The following CDC40 variants were observed in gnomAD, a reference collection of about 807,000 sequenced individuals.
CDC40 encodes pre-mRNA-processing factor 17.
CDC40 carries 27 observed loss-of-function variants against 80.6 expected under a neutral mutation model. The ratio of observed to expected loss-of-function variants is 0.33; its 90% confidence interval spans 0.25 to 0.46. The LOEUF is 0.46. Ranked by LOEUF, CDC40 falls within the 20% of genes least tolerant of loss-of-function variation. CDC40 has a pLI of 1.00. For synonymous variants in CDC40, 221 were observed against 232.6 expected, an observed-to-expected ratio of 0.95 and a Z score of 0.45; for missense variants, 486 against 694.1, an observed-to-expected ratio of 0.70 and a Z score of 3.37.
At chr6:110,215,255 A>G (rs918069992) in intron 8 of CDC40, 31 bp from the exon 9 acceptor site, 9 of 1,590,150 alleles carry the variant, frequency 5.7e-6, no homozygotes, top group African/African-American at 1.3e-5. Flanking sequence ...TAAATGTAAT[A>G]TTTCCATGTG....
At chr6:110,209,454 T>C (rs1777605146) in intron 5 of CDC40, 1 of 396,602 alleles carries the variant, frequency 2.5e-6, no homozygotes, top group African/African-American at 2.0e-5. Context: ...TAAAATACAA[T>C]ATTGAACAAT....
At chr6:110,213,661 T>C (rs563017286) in intron 8 of CDC40, among the ~76,000 whole-genome samples, 24 of 152,232 alleles carry the variant, frequency 1.6e-4, no homozygotes, top group Non-Finnish European at 3.2e-4. Context: ...TGTAATAGTT[T>C]ATTTGTTTCT....
chr6:110,217,624 T>C (rs1261109185), intron 9 of CDC40, 78 bp from the exon 10 acceptor site: 10 of 751,832 alleles, frequency 1.3e-5, no homozygotes, highest in Non-Finnish European at 2.0e-5. Context: ...GCTGTTTGTC[T>C]TTATGGTGTT....
At chr6:110,197,221 T>G (rs1232953794) in intron 2 of CDC40, among the ~76,000 whole-genome samples, 1 of 152,200 alleles carries the variant, frequency 6.6e-6, no homozygotes, top group East Asian at 1.9e-4. Flanking sequence ...TTGACAGATG[T>G]TTAAGAATAC....
chr6:110,208,442 A>C (rs1777591547), intron 4 of CDC40, among the ~76,000 whole-genome samples: 1 of 152,148 alleles, frequency 6.6e-6, no homozygotes. Context: ...CCTCCTACTA[A>C]TCAAATCAAA....
At chr6:110,218,345 A>T (rs967208710) in intron 10 of CDC40, among the ~76,000 whole-genome samples, 2 of 152,238 alleles carry the variant, frequency 1.3e-5, no homozygotes, top group African/African-American at 4.8e-5. Flanking sequence ...CCCTTACTGC[A>T]TCTGAAGGGT....
At chr6:110,227,222 G>C (rs1777876032) in intron 13 of CDC40, among the ~76,000 whole-genome samples, 2 of 152,152 alleles carry the variant, frequency 1.3e-5, no homozygotes, top group South Asian at 4.1e-4. Context: ...ACAATATACT[G>C]ATGTAATTAT....
intron 12 of CDC40, among the ~76,000 whole-genome samples, chr6:110,220,635 T>C (rs370990014): frequency 3.0e-3 from 455 of 152,042 alleles, no homozygotes; most frequent in African/African-American, 8.7e-3. Flanking sequence ...TTAGTAGAGA[T>C]GGGGTTTCAC....
Position 110,226,151 on chromosome 6 carries a change from T to A in CDC40, c.1341-16T>A. The A allele has an allele frequency of 6.7e-7, 1 of 1,482,758 alleles. No homozygotes were observed. The highest frequency in any genetic ancestry group is 9.4e-7 in the Non-Finnish European group (1 of 1,063,728). 91.9% of individuals were successfully genotyped at this position (1,482,758 alleles called of 1,614,324 possible). On this transcript the variant is annotated splice_polypyrimidine_tract_variant and intron_variant, in intron 12 of 14. Coordinates refer to ENST00000307731, the MANE Select transcript of CDC40 (RefSeq NM_015891.3). ...TTAAAAGTTGCTTATTCTGATATGC[T>A]ATTTAAAATTTTTAGGGATATCCCT...
intron 2 of CDC40, among the ~76,000 whole-genome samples, chr6:110,200,822 T>A (rs753779693): frequency 1.3e-5 from 2 of 152,138 alleles, no homozygotes; most frequent in African/African-American, 2.4e-5. Context: ...TTAAATAGCA[T>A]TTGGAAAAAC....
chr6:110,197,479 ATTG>A (rs1282819591), intron 2 of CDC40, among the ~76,000 whole-genome samples: 1 of 152,138 alleles, frequency 6.6e-6, no homozygotes, highest in Non-Finnish European at 1.5e-5. Context: ...TCAAGAATAC[ATTG>A]TTATTAACTG....
chr6:110,228,583 A>T (rs1451083862), intron 13 of CDC40, among the ~76,000 whole-genome samples: 1 of 151,900 alleles, frequency 6.6e-6, no homozygotes, highest in African/African-American at 2.4e-5. Flanking sequence ...TTATTTTTTT[A>T]AAAACTTTTA....
At chr6:110,204,896 G>A (rs1257462608) in intron 3 of CDC40, among the ~76,000 whole-genome samples, 1 of 151,724 alleles carries the variant, frequency 6.6e-6, no homozygotes, top group Non-Finnish European at 1.5e-5. Flanking sequence ...AAAACTCCTG[G>A]CCTCAAGTAA....
At chr6:110,201,724 T>G (rs1403530124) in intron 3 of CDC40, 37 bp downstream of exon 3, 1 of 1,595,632 alleles carries the variant, frequency 6.3e-7, no homozygotes, top group Non-Finnish European at 8.6e-7. Flanking sequence ...CAATTTTGGC[T>G]TTATTAGAAG....
chr6:110,210,778 T>C lies in CDC40; in HGVS notation c.702T>C (p.Pro234=). The C allele has an allele frequency of 1.3e-6, 2 of 1,567,924 alleles. No homozygotes were observed. The highest frequency in any genetic ancestry group is 1.7e-6 in the Non-Finnish European group (2 of 1,158,512). The stretch of plus-strand genomic sequence containing the variant: ...AAGGAAAACAGGAAGAAGAGAAACC[T>C]GGGGAGGAGAAGACAATCTTACATG... ...QKKGKQEEEK[P]GEEKTILHVK... The change falls in exon 6 of 15, where the codon CCT becomes CCC. Residue 234 remains proline (P), a synonymous_variant. Coordinates refer to ENST00000307731, the MANE Select transcript of CDC40 (RefSeq NM_015891.3).
chr6:110,229,058 C>A, intron 14 of CDC40, 82 bp downstream of exon 14: 1 of 1,069,732 alleles, frequency 9.3e-7, no homozygotes, highest in Non-Finnish European at 1.4e-6. Flanking sequence ...CTTGACACAT[C>A]ACTCTCACAT....
Position 110,193,158 on chromosome 6 carries a change from A to G in CDC40, c.190-24A>G, listed in dbSNP as rs766112969. ...AAAATAGTCATTTATCAGATCATTA[A>G]TATTTATTTGGTATTCTTTTTAGGA... is the stretch of plus-strand genomic sequence containing the variant. On this transcript the variant is annotated intron_variant, in intron 1 of 14. Coordinates refer to ENST00000307731, the MANE Select transcript of CDC40 (RefSeq NM_015891.3). 2.4e-4 allele frequency: 341 copies of G among 1,402,674 alleles called. 1 individual carries two copies. Among genetic ancestry groups the G allele is most frequent in the Non-Finnish European group, 3.3e-4 (325 of 989,222 alleles). The allele number at this position is 1,402,674 out of a possible 1,614,324, so 86.9% of individuals were successfully genotyped here.
intron 1 of CDC40, among the ~76,000 whole-genome samples, chr6:110,187,493 A>C (rs12662559): frequency 0.073 from 11,065 of 152,182 alleles, 545 homozygotes; most frequent in African/African-American, 0.14. Context: ...TTCCCTCTGC[A>C]ATCTGTTAAG....
At chr6:110,198,420 A>G (rs1156725646) in intron 2 of CDC40, among the ~76,000 whole-genome samples, 1 of 151,966 alleles carries the variant, frequency 6.6e-6, no homozygotes, top group Admixed American at 6.6e-5. Context: ...CAAGTGATCC[A>G]CCTGCCTTGA....
Sources: allele counts gnomAD v4.1 joint callset (sites outside exome capture counted in the v4.1 genomes callset), GRCh38; gene constraint gnomAD v4.1.1; transcripts MANE v1.5; gene names NCBI Gene and HGNC (gene_info 2026-07-23, HGNC 2026-07-21).